CFAP58: variants seen among roughly 807,000 people sequenced by gnomAD.
The protein encoded by CFAP58 is cilia- and flagella-associated protein 58.
A neutral mutation model predicts 119.5 loss-of-function variants in CFAP58; 88 were observed. The observed-to-expected ratio is 0.74, with a 90% CI of 0.62 to 0.88. CFAP58 has a LOEUF of 0.88. CFAP58 is among the 40% of genes least tolerant of loss of function. The pLI, the probability that CFAP58 is intolerant of heterozygous loss-of-function variation, is 0.00. For missense variants in CFAP58, 990 were observed against 1,021.2 expected, an observed-to-expected ratio of 0.97 and a Z score of 0.42; for synonymous variants, 365 against 366.3, an observed-to-expected ratio of 1.00 and a Z score of 0.04.
intron 15 of CFAP58, among the ~76,000 whole-genome samples, chr10:104,429,482 G>T (rs1376772512): frequency 6.6e-6 from 1 of 152,156 alleles, no homozygotes; most frequent in Non-Finnish European, 1.5e-5. Context: ...GCATGCCAGT[G>T]TCTACTGTGG....
Position 104,380,089 on chromosome 10 carries a change from C to T in CFAP58, c.1234C>T (p.Gln412Ter). ...GACAGACTTGGTAAAGCTCCATGAA[C>T]AAGCCAAGAGGAACCTGGAGGGAGA... is the stretch of plus-strand genomic sequence containing the variant. ...KQTDLVKLHE[Q>*]AKRNLEGEIQ... Residue 412 changes from glutamine to a stop codon, truncating the protein, a stop_gained, in exon 9 of 18, where the codon CAA (glutamine) becomes TAA (stop). Transcript: ENST00000369704. LOFTEE classifies it high-confidence loss of function. 6.2e-7 allele frequency: 1 copy of T among 1,614,102 alleles called. No individual in the cohort carries two copies. Among genetic ancestry groups the T allele is most frequent in the Non-Finnish European group, 8.5e-7 (1 of 1,179,994 alleles).
Position 104,354,616 on chromosome 10 carries a change from A to AAATC in CFAP58, c.9+710_9+711insAATC, listed in dbSNP as rs2014515944. Reference sequence around the variant, plus strand: ...TACTTGCCATTCACAGTCCCCATCCACTATGGCCCTACCCAAATCCTTCAT... The same window carrying AAATC: ...TACTTGCCATTCACAGTCCCCATCCAAATCCTATGGCCCTACCCAAATCCTTCAT... On this transcript the variant is annotated intron_variant, in intron 1 of 17. Coordinates refer to ENST00000369704, the MANE Select transcript of CFAP58 (RefSeq NM_001008723.2). Among the ~76,000 whole-genome samples, 6 of 151,656 alleles carry AAATC rather than the reference A, an allele frequency of 4.0e-5. No individual in the cohort carries two copies. In the South Asian group the frequency reaches 1.3e-3, roughly 32 times the overall value.
chr10:104,448,080 G>A (rs888706909), intron 16 of CFAP58, among the ~76,000 whole-genome samples: 1 of 152,230 alleles, frequency 6.6e-6, no homozygotes, highest in African/African-American at 2.4e-5. Flanking sequence ...ACAACAGAAT[G>A]GAGATGTGCG....
upstream of CFAP58, chr10:104,353,644 G>A (rs545697153): frequency 7.2e-5 from 36 of 503,398 alleles, no homozygotes; most frequent in Non-Finnish European, 1.2e-4. Context: ...GCCCCATTGG[G>A]ATATATTTGC....
rs777691367 is a variant in CFAP58, at chr10:104,454,523, C to T, written c.2612C>T (p.Thr871Met). ...TTTCCTCTCAGGTCAACCAAAATGA[C>T]GTTCTAACCTGAAGCTGCTGGCTGT... ...GGFPLRSTKM[T>M]F The change falls in exon 18 of 18, where the codon ACG becomes ATG. Residue 871 changes from threonine to methionine, a missense_variant. By Grantham distance (81) the Thr-to-Met change is moderately conservative. Transcript: ENST00000369704. 3.7e-5 allele frequency: 59 copies of T among 1,611,492 alleles called. 1 individual carries two copies. In the East Asian group the frequency reaches 7.6e-4, roughly 21 times the overall value.
intron 7 of CFAP58, among the ~76,000 whole-genome samples, chr10:104,372,918 A>G (rs2014843263): frequency 6.6e-6 from 1 of 152,224 alleles, no homozygotes; most frequent in African/African-American, 2.4e-5. Context: ...GGCACTGGGC[A>G]TAATGGTTAG....
At chr10:104,449,177 T>TTC (rs199660455) in intron 16 of CFAP58, among the ~76,000 whole-genome samples, 5 of 146,164 alleles carry the variant, frequency 3.4e-5, no homozygotes, top group African/African-American at 1.2e-4. Flanking sequence ...TTTTTTTTTT[T>TTC]CCAGCATGAA....
chr10:104,349,718 G>A (rs1343576790), upstream of CFAP58, among the ~76,000 whole-genome samples: 7 of 152,154 alleles, frequency 4.6e-5, no homozygotes, highest in Non-Finnish European at 1.5e-5. Context: ...TACATGACTA[G>A]GCCATTAGTT....
At chr10:104,419,622 G>A (rs1175731939) in intron 15 of CFAP58, among the ~76,000 whole-genome samples, 1 of 148,854 alleles carries the variant, frequency 6.7e-6, no homozygotes, top group Non-Finnish European at 1.5e-5. Flanking sequence ...TATTGTTTGT[G>A]TGTTCCTCTC....
intron 14 of CFAP58, among the ~76,000 whole-genome samples, chr10:104,404,572 G>T (rs1242851319): frequency 6.6e-6 from 1 of 152,122 alleles, no homozygotes; most frequent in African/African-American, 2.4e-5. Context: ...AGCAGGGCAG[G>T]TATAAGAAAG....
intron 15 of CFAP58, among the ~76,000 whole-genome samples, chr10:104,410,358 A>G (rs1251170659): frequency 6.6e-6 from 1 of 152,202 alleles, no homozygotes. Flanking sequence ...CTATTTCTAC[A>G]TATCTCCAAT....
chr10:104,348,080 A>AC, the CFAP58 span, among the ~76,000 whole-genome samples: 1 of 150,916 alleles, frequency 6.6e-6, no homozygotes, highest in South Asian at 2.1e-4. Flanking sequence ...CTCCACCTTG[A>AC]CCCATCAGCT....
At chr10:104,415,819 A>G (rs1448226638) in intron 15 of CFAP58, among the ~76,000 whole-genome samples, 1 of 152,176 alleles carries the variant, frequency 6.6e-6, no homozygotes, top group African/African-American at 2.4e-5. Context: ...GCCTTCCTCT[A>G]TTCTATCTGC....
At chr10:104,423,434 A>C (rs990538061) in intron 15 of CFAP58, among the ~76,000 whole-genome samples, 2 of 152,130 alleles carry the variant, frequency 1.3e-5, no homozygotes, top group Non-Finnish European at 2.9e-5. Context: ...TTTTTCTTCT[A>C]TAAGGATCAG....
intron 7 of CFAP58, among the ~76,000 whole-genome samples, chr10:104,372,295 G>A (rs2014835053): frequency 1.3e-5 from 2 of 152,166 alleles, no homozygotes; most frequent in African/African-American, 4.8e-5. Flanking sequence ...GGAGGTTGCA[G>A]TGAGCTGAGA....
intron 4 of CFAP58, 74 bp from the exon 5 acceptor site, chr10:104,365,740 G>C: frequency 7.5e-7 from 1 of 1,334,604 alleles, no homozygotes; most frequent in Non-Finnish European, 1.0e-6. Context: ...TGAGAGAGGA[G>C]GGGGCTTGGC....
Position 104,358,419 on chromosome 10 carries a change from C to A in CFAP58, c.88C>A (p.Leu30Ile). ...AGATTTTCAGGGAGTTCTCCATGAA[C>A]TTTCTGGAGACAAAAGTTTGGAAAA... ...ERDFQGVLHE[L>I]SGDKSLEKFR... Residue 30 changes from leucine to isoleucine, a missense_variant, in exon 2 of 18, where the codon CTT (leucine) becomes ATT (isoleucine). Coordinates refer to ENST00000369704, the MANE Select transcript of CFAP58 (RefSeq NM_001008723.2). 1 of 1,613,918 alleles carries A rather than the reference C, an allele frequency of 6.2e-7. No individual in the cohort carries two copies. Among genetic ancestry groups the A allele is most frequent in the East Asian group, 2.2e-5 (1 of 44,874 alleles).
At chr10:104,400,606 A>C (rs1299928441) in intron 12 of CFAP58, 74 bp from the exon 13 acceptor site, 2 of 1,238,642 alleles carry the variant, frequency 1.6e-6, no homozygotes, top group African/African-American at 3.0e-5. Flanking sequence ...TACTCATTGA[A>C]TGAATGGTGC....
intron 17 of CFAP58, among the ~76,000 whole-genome samples, chr10:104,451,691 T>G (rs17761559): frequency 0.092 from 13,938 of 152,264 alleles, 760 homozygotes; most frequent in Non-Finnish European, 0.13. Flanking sequence ...ATGAAGCAGG[T>G]GTCTAACTCA....
Sources: allele counts gnomAD v4.1 joint callset (sites outside exome capture counted in the v4.1 genomes callset), GRCh38; gene constraint gnomAD v4.1.1; transcripts MANE v1.5; gene names NCBI Gene and HGNC (gene_info 2026-07-23, HGNC 2026-07-21).